Variants in GLIS3 observed in about 807,000 individuals in gnomAD.
GLIS3 encodes zinc finger protein GLIS3.
GLIS3 carries 53 observed loss-of-function variants against 78.6 expected under a neutral mutation model. The observed-to-expected ratio is 0.67, with a 90% CI of 0.54 to 0.85. The LOEUF (loss-of-function observed/expected upper bound fraction) is 0.85. GLIS3 is among the 40% of genes least tolerant of loss of function. The pLI, the probability that GLIS3 is intolerant of heterozygous loss-of-function variation, is 0.00. For synonymous variants in GLIS3, 684 were observed against 509.9 expected, an observed-to-expected ratio of 1.34 and a Z score of -4.60; for missense variants, 1,703 against 1,231.1, an observed-to-expected ratio of 1.38 and a Z score of -5.74.
At chr9:4,405,908 G>C in the GLIS3 span, among the ~76,000 whole-genome samples, 2 of 152,198 alleles carry the variant, frequency 1.3e-5, no homozygotes, top group Non-Finnish European at 2.9e-5. Flanking sequence ...TGCAAGGATG[G>C]TTCAACATAC....
intron 2 of GLIS3, among the ~76,000 whole-genome samples, chr9:4,147,815 CAA>C (rs34155642): frequency 0.019 from 2,700 of 140,334 alleles, 67 homozygotes; most frequent in African/African-American, 0.055. Flanking sequence ...GAGTTCATAC[CAA>C]AAAAAAAAAA....
Position 4,008,312 on chromosome 9 carries a change from A to C in GLIS3, c.1711-71123T>G, listed in dbSNP as rs924201443. On this transcript the variant is annotated intron_variant, in intron 4 of 10. Coordinates refer to ENST00000381971, the MANE Select transcript of GLIS3 (RefSeq NM_001042413.2). Reference sequence around the variant, plus strand: ...ACCGCTTGGCCATGACAAGTCTGGCATCTCAGGCAGGCTCAGAAATATCCA... The same window carrying C: ...ACCGCTTGGCCATGACAAGTCTGGCCTCTCAGGCAGGCTCAGAAATATCCA... 6.6e-5 allele frequency among the ~76,000 whole-genome samples: 10 copies of C among 152,330 alleles called. 1 individual carries two copies. Among genetic ancestry groups the C allele is most frequent in the Admixed American group, 5.9e-4 (9 of 15,304 alleles).
intron 2 of GLIS3, among the ~76,000 whole-genome samples, chr9:4,219,073 A>C (rs1008316807): frequency 6.6e-6 from 1 of 152,244 alleles, no homozygotes; most frequent in African/African-American, 2.4e-5. Context: ...ACAGAAAGCA[A>C]TGACTGATTT....
In GLIS3 at chr9:4,121,532, A is replaced by C. The variant is rs118075755; in HGVS notation, c.597-2651T>G. On this transcript the variant is annotated intron_variant, in intron 3 of 10. Coordinates refer to ENST00000381971, the MANE Select transcript of GLIS3 (RefSeq NM_001042413.2). ...TTTTCCCTATATATGATCTCATTTG[A>C]TACAACCTGTCAGTTAAGTAAACTG... Among the ~76,000 whole-genome samples, 374 of 152,242 alleles carry C rather than the reference A, an allele frequency of 2.5e-3. 2 individuals are homozygous for C. The highest frequency in any genetic ancestry group is 5.7e-3 in the Admixed American group (87 of 15,288).
At chr9:3,872,664 C>T (rs758183364) in intron 8 of GLIS3, among the ~76,000 whole-genome samples, 1 of 152,176 alleles carries the variant, frequency 6.6e-6, no homozygotes, top group African/African-American at 2.4e-5. Context: ...TATCTCCCAA[C>T]AGATCCCTCC....
chr9:4,404,205 G>A, the GLIS3 span, among the ~76,000 whole-genome samples: 3 of 152,312 alleles, frequency 2.0e-5, no homozygotes, highest in African/African-American at 7.2e-5. Flanking sequence ...CAACGCTGGA[G>A]CAACCCGATA....
chr9:4,159,289 T>C (rs1429622015), intron 2 of GLIS3, among the ~76,000 whole-genome samples: 1 of 152,180 alleles, frequency 6.6e-6, no homozygotes, highest in Non-Finnish European at 1.5e-5. Context: ...TTTTCTCGCA[T>C]TTTGTACAAT....
the GLIS3 span, among the ~76,000 whole-genome samples, chr9:4,366,596 C>T: frequency 6.6e-6 from 1 of 152,200 alleles, no homozygotes; most frequent in Admixed American, 6.5e-5. Flanking sequence ...CCTTCACATT[C>T]TGGAGGAACA....
chr9:4,368,363 G>A, the GLIS3 span, among the ~76,000 whole-genome samples: 1 of 149,102 alleles, frequency 6.7e-6, no homozygotes, highest in South Asian at 2.1e-4. Flanking sequence ...TTTGGAGACG[G>A]AGTCTGAGTC....
intron 6 of GLIS3, among the ~76,000 whole-genome samples, chr9:3,911,496 G>A (rs1411719894): frequency 6.6e-6 from 1 of 152,106 alleles, no homozygotes; most frequent in Non-Finnish European, 1.5e-5. Flanking sequence ...TAAGGATGAT[G>A]GTAAATGTCT....
chr9:4,092,869 C>T (rs1193577970), intron 4 of GLIS3, among the ~76,000 whole-genome samples: 1 of 152,168 alleles, frequency 6.6e-6, no homozygotes, highest in African/African-American at 2.4e-5. Context: ...GTATTATGTG[C>T]TGTACATAAC....
intron 3 of GLIS3, 143 bp from the exon 4 acceptor site, chr9:4,119,024 G>C: frequency 2.2e-6 from 2 of 893,496 alleles, no homozygotes; most frequent in East Asian, 2.7e-5. Flanking sequence ...ACACATTCTT[G>C]GGCTAAGATA....
chr9:4,471,893 C>T, the GLIS3 span, among the ~76,000 whole-genome samples: 1 of 152,122 alleles, frequency 6.6e-6, no homozygotes, highest in African/African-American at 2.4e-5. Flanking sequence ...CTACAAATAA[C>T]TTACACAGAT....
chr9:3,856,668 C>T (rs775276996), intron 8 of GLIS3, among the ~76,000 whole-genome samples: 1 of 152,190 alleles, frequency 6.6e-6, no homozygotes, highest in African/African-American at 2.4e-5. Flanking sequence ...TTATGAGCCT[C>T]TCTAATCCTA....
At position 3,829,464 on chromosome 9, in the gene GLIS3, A is replaced by G. The variant is rs1220225455; in HGVS notation, c.2502T>C (p.Cys834=). 3 of 1,614,094 alleles carry G rather than the reference A, an allele frequency of 1.9e-6. No individual in the cohort carries two copies. Among genetic ancestry groups the G allele is most frequent in the African/African-American group, 2.7e-5 (2 of 75,028 alleles). The change falls in exon 10 of 11, where the codon TGT becomes TGC. Residue 834 remains cysteine, a synonymous_variant. Coordinates refer to ENST00000381971, the MANE Select transcript of GLIS3 (RefSeq NM_001042413.2). ...TCTGGGAATCGGGGTAGTGTGGGGG[A>G]CAGAACTTCTGCAGCTGCCCATAAA... ...HGFYGQLQKF[C]PPHYPDSQRI... is the part of the protein sequence containing the mutation.
chr9:4,192,004 A>G (rs1426636437), intron 2 of GLIS3, among the ~76,000 whole-genome samples: 7 of 152,268 alleles, frequency 4.6e-5, no homozygotes, highest in Admixed American at 3.3e-4. Context: ...GTGTCTATAT[A>G]TCTTTACATT....
chr9:4,331,961 A>G (rs1325230808), intron 2 of GLIS3, among the ~76,000 whole-genome samples: 1 of 152,224 alleles, frequency 6.6e-6, no homozygotes, highest in African/African-American at 2.4e-5. Flanking sequence ...AGGGAGACTA[A>G]AGCATGAGCC....
intron 8 of GLIS3, among the ~76,000 whole-genome samples, chr9:3,867,687 GAAC>G (rs1231503522): frequency 1.3e-5 from 2 of 151,824 alleles, no homozygotes; most frequent in Non-Finnish European, 2.9e-5. Flanking sequence ...TTGAGATCAG[GAAC>G]AACTTTTATT....
chr9:4,421,390 T>C, the GLIS3 span, among the ~76,000 whole-genome samples: 1 of 152,186 alleles, frequency 6.6e-6, no homozygotes, highest in Non-Finnish European at 1.5e-5. Context: ...GATGCTGCTA[T>C]GAAAAAGGAA....
Sources: gnomAD v4.1 joint callset for allele counts (sites outside exome capture counted in the v4.1 genomes callset) on GRCh38, gnomAD v4.1.1 for gene constraint, MANE v1.5 for transcripts, NCBI Gene and HGNC (gene_info 2026-07-23, HGNC 2026-07-21) for gene names.